YBEY: variants seen among roughly 807,000 people sequenced by gnomAD.
The protein encoded by YBEY is ybeY metalloendoribonuclease, also known as endoribonuclease YbeY.
A neutral mutation model predicts 13.5 loss-of-function variants in YBEY; 15 were observed. The ratio of observed to expected loss-of-function variants is 1.11; its 90% confidence interval spans 0.75 to 1.72. The LOEUF (loss-of-function observed/expected upper bound fraction) is 1.72. YBEY is among the 40% of genes most tolerant of loss of function. The probability of loss-of-function intolerance (pLI) is 0.00; values close to 1 mark genes in which losing one functional copy is unlikely to be tolerated. For synonymous variants in YBEY, 101 were observed against 83.1 expected, an observed-to-expected ratio of 1.21 and a Z score of -1.17; for missense variants, 244 against 208.4, an observed-to-expected ratio of 1.17 and a Z score of -1.05.
chr21:46,309,946 G>A, the YBEY span, among the ~76,000 whole-genome samples: 5 of 151,800 alleles, frequency 3.3e-5, no homozygotes, highest in African/African-American at 7.3e-5. Flanking sequence ...GCAGTGAGCC[G>A]AGATCACGCC....
At chr21:46,297,830 G>C (rs995099719), downstream of YBEY, 1 of 1,182,730 alleles carries the variant, frequency 8.5e-7, no homozygotes, top group Non-Finnish European at 1.1e-6. Flanking sequence ...GGAGTTCAGG[G>C]AACGCGTGGC....
At chr21:46,291,954 T>G (rs1349855094) in intron 3 of YBEY, 1 of 587,730 alleles carries the variant, frequency 1.7e-6, no homozygotes, top group East Asian at 1.4e-4. Flanking sequence ...CTGGAGTTAT[T>G]ATTCAACTCA....
intron 4 of YBEY, 83 bp downstream of exon 4, chr21:46,296,313 A>G: frequency 7.0e-7 from 1 of 1,429,434 alleles, no homozygotes; most frequent in Admixed American, 2.1e-5. Context: ...CCCACCCTCC[A>G]TCTTGACCGC....
intron 4 of YBEY, 68 bp downstream of exon 4, chr21:46,296,298 C>A: frequency 6.3e-7 from 1 of 1,579,548 alleles, no homozygotes. Flanking sequence ...AGGCCCCTGC[C>A]AGCCCCCACC....
downstream of YBEY, chr21:46,302,256 G>T (rs1390285466): frequency 3.5e-6 from 5 of 1,430,780 alleles, no homozygotes; most frequent in Non-Finnish European, 4.6e-6. Context: ...TGATAGGCAG[G>T]ATGGCAGGGT....
chr21:46,286,835 G>T, intron 1 of YBEY, 35 bp from the exon 2 acceptor site: 1 of 1,321,736 alleles, frequency 7.6e-7, no homozygotes. Context: ...ATTATCACTT[G>T]TACTGATTGG....
downstream of YBEY, chr21:46,302,298 C>A: frequency 2.2e-6 from 3 of 1,365,644 alleles, no homozygotes; most frequent in Non-Finnish European, 2.9e-6. Context: ...GCTCCTCCCC[C>A]GCCCCAAATT....
the YBEY span, among the ~76,000 whole-genome samples, chr21:46,304,428 G>A: frequency 6.6e-6 from 1 of 151,752 alleles, no homozygotes; most frequent in East Asian, 1.9e-4. Context: ...TGAGGCTGCA[G>A]CGAGGTATGA....
intron 2 of YBEY, among the ~76,000 whole-genome samples, chr21:46,289,868 A>C (rs981882440): frequency 6.7e-6 from 1 of 149,070 alleles, no homozygotes; most frequent in Non-Finnish European, 1.5e-5. Context: ...GTTGCTGGGC[A>C]GATTATCCTT....
At chr21:46,299,104 C>G (rs1382143564), downstream of YBEY, among the ~76,000 whole-genome samples, 1 of 143,638 alleles carries the variant, frequency 7.0e-6, no homozygotes, top group Non-Finnish European at 1.5e-5. Context: ...GTAGCTTGTA[C>G]TACATGTGTG....
intron 3 of YBEY, among the ~76,000 whole-genome samples, chr21:46,295,093 G>C (rs1012713624): frequency 2.0e-5 from 3 of 152,162 alleles, no homozygotes; most frequent in Non-Finnish European, 2.9e-5. Flanking sequence ...AACTGTGGGC[G>C]GGGGGGTATG....
downstream of YBEY, among the ~76,000 whole-genome samples, chr21:46,298,567 C>T (rs1247419863): frequency 1.3e-5 from 2 of 151,382 alleles, no homozygotes; most frequent in African/African-American, 4.9e-5. Flanking sequence ...GTAGCTGGGA[C>T]TACAGGCGCC....
chr21:46,291,909 A>G (rs2081728179), intron 3 of YBEY: 1 of 908,894 alleles, frequency 1.1e-6, no homozygotes, highest in Non-Finnish European at 1.3e-6. Flanking sequence ...TGCAGTAGAG[A>G]AAGAGTTTAA....
At chr21:46,294,628 G>A (rs75844806) in intron 3 of YBEY, among the ~76,000 whole-genome samples, 860 of 40,376 alleles carry the variant, frequency 0.021, 45 homozygotes, top group Admixed American at 0.046. Flanking sequence ...GGACAGCCAC[G>A]CAAGTTAGAC....
chr21:46,306,743 C>T, the YBEY span, among the ~76,000 whole-genome samples: 2 of 151,752 alleles, frequency 1.3e-5, no homozygotes, highest in African/African-American at 4.8e-5. Flanking sequence ...ATGCACCTAA[C>T]ACTTGGCAAA....
At chr21:46,292,819 G>C (rs1205711490) in intron 3 of YBEY, among the ~76,000 whole-genome samples, 1 of 137,412 alleles carries the variant, frequency 7.3e-6, no homozygotes, top group African/African-American at 2.6e-5. Flanking sequence ...CGGTTAGCCT[G>C]ACCCGTGCCC....
chr21:46,310,094 G>T, the YBEY span, among the ~76,000 whole-genome samples: 2 of 152,146 alleles, frequency 1.3e-5, no homozygotes, highest in Non-Finnish European at 2.9e-5. Context: ...TAGGAGGAGG[G>T]ATTAAAAAGA....
At chr21:46,287,854 T>C (rs1321588263) in intron 2 of YBEY, among the ~76,000 whole-genome samples, 2 of 151,786 alleles carry the variant, frequency 1.3e-5, no homozygotes. Context: ...TAGCTGGGTG[T>C]GGTTGTGCCG....
the YBEY span, among the ~76,000 whole-genome samples, chr21:46,303,745 A>ATATATATATAT: frequency 4.2e-5 from 1 of 23,820 alleles, no homozygotes; most frequent in Non-Finnish European, 7.1e-5. Context: ...ATATATATAT[A>ATATATATATAT]TTTTTTTTTT....
Sources: gnomAD v4.1 joint callset for allele counts (sites outside exome capture counted in the v4.1 genomes callset) on GRCh38, gnomAD v4.1.1 for gene constraint, MANE v1.5 for transcripts, NCBI Gene and HGNC (gene_info 2026-07-23, HGNC 2026-07-21) for gene names.